The following HEATR6 variants were observed in gnomAD, a reference collection of about 807,000 sequenced individuals.
HEATR6 encodes the protein HEAT repeat containing 6.
Under a neutral mutation model 132.8 loss-of-function variants are expected in HEATR6, and 106 were observed. The ratio of observed to expected loss-of-function variants is 0.80; its 90% CI spans 0.68 to 0.94. HEATR6 has a LOEUF of 0.94. Ranked by LOEUF, HEATR6 falls within the 40% of genes least tolerant of loss-of-function variation. The probability of loss-of-function intolerance (pLI) is 0.00; values close to 1 mark genes in which losing one functional copy is unlikely to be tolerated. For synonymous variants in HEATR6, 529 were observed against 537.8 expected, an observed-to-expected ratio of 0.98 and a Z score of 0.23; for missense variants, 1,339 against 1,425.1, an observed-to-expected ratio of 0.94 and a Z score of 0.97.
chr17:60,073,331 T>C lies in HEATR6; in HGVS notation c.469-52A>G, dbSNP rs531036163. On this transcript the variant is annotated intron_variant, in intron 3 of 19. Transcript: ENST00000184956. Reference sequence around the variant, plus strand: ...TCAAAGAAAAGCTTCTAGGAAAATATTATGTTTTAGACAGATTTCTTCTTT... The same window carrying C: ...TCAAAGAAAAGCTTCTAGGAAAATACTATGTTTTAGACAGATTTCTTCTTT... 100 of 1,077,716 alleles carry C rather than the reference T, an allele frequency of 9.3e-5. No individual in the cohort carries two copies. In the East Asian group the frequency reaches 1.7e-3, roughly 18 times the overall value. 66.8% of individuals were successfully genotyped at this position (1,077,716 alleles called of 1,614,324 possible).
Position 60,042,390 on chromosome 17 carries a change from C to G in HEATR6, c.*1173G>C. ...GTGGCTGTGAGGCACTGTCAGCATCCTCGCGTCCTGTGCGGCTGTGAGGCA... is the reference window on the plus strand; with the variant it reads ...GTGGCTGTGAGGCACTGTCAGCATCGTCGCGTCCTGTGCGGCTGTGAGGCA... On this transcript the variant is annotated 3_prime_UTR_variant, in exon 20 of 20. Coordinates refer to ENST00000184956, the MANE Select transcript of HEATR6 (RefSeq NM_022070.5). 6.8e-6 allele frequency among the ~76,000 whole-genome samples: 1 copy of G among 147,108 alleles called. No homozygotes were observed. The highest frequency in any genetic ancestry group is 1.5e-5 in the Non-Finnish European group (1 of 67,552).
intron 16 of HEATR6, among the ~76,000 whole-genome samples, chr17:60,048,755 T>C (rs1054422656): frequency 6.6e-6 from 1 of 151,902 alleles, no homozygotes; most frequent in African/African-American, 2.4e-5. Flanking sequence ...ACACATCCTA[T>C]GTACTACACA....
intron 9 of HEATR6, among the ~76,000 whole-genome samples, chr17:60,065,087 T>C (rs1195389016): frequency 2.0e-5 from 3 of 152,240 alleles, no homozygotes; most frequent in Non-Finnish European, 2.9e-5. Context: ...GCTTCATTAC[T>C]GATTTATTTG....
At chr17:60,069,604 A>C in intron 7 of HEATR6, 107 bp downstream of exon 7, 1 of 1,059,874 alleles carries the variant, frequency 9.4e-7, no homozygotes, top group Non-Finnish European at 1.4e-6. Context: ...ACTGAAATAA[A>C]ATTCAAGGTA....
rs745466182 is a variant in HEATR6 at position 60,049,685 on chromosome 17, C to A, written c.2442G>T (p.Leu814=). 20 of 1,613,258 alleles carry A rather than the reference C, an allele frequency of 1.2e-5. No individual in the cohort carries two copies. The highest frequency in any genetic ancestry group is 1.5e-5 in the Non-Finnish European group (18 of 1,179,602). The change falls in exon 16 of 20, where the codon CTG becomes CTT. Residue 814 remains leucine, a synonymous_variant. Transcript: ENST00000184956. ...TCAGCCCGAGCAGCACTGTGATGCA[C>A]AGCATCTGCCTGTCATTCTGCAATG... ...FSNLPNDRQM[L]CITVLLGLND...
rs568967107 is a variant in HEATR6, at chr17:60,069,787, G to C, written c.863C>G (p.Thr288Ser). ...NIEMPTVLYPTPLPQYDGRTP... is the reference protein window; with the variant it reads ...NIEMPTVLYPSPLPQYDGRTP... ...TCGCCCATCATACTGAGGAAGCGGA[G>C]TTGGGTATAACACCGTGGGCATCTC... The change falls in exon 7 of 20, where the codon ACT becomes AGT. Residue 288 changes from threonine (T) to serine (S), a missense_variant. Coordinates refer to ENST00000184956, the MANE Select transcript of HEATR6 (RefSeq NM_022070.5). The C allele has an allele frequency of 1.9e-6, 3 of 1,614,042 alleles. No homozygotes were observed. Among genetic ancestry groups the C allele is most frequent in the Admixed American group, 1.7e-5 (1 of 60,012 alleles).
In HEATR6 at chr17:60,078,887, A is replaced by C; in HGVS notation, c.28T>G (p.Trp10Gly). Reference protein sequence around the residue: MAAVQVVGSWPSVQPREAPR... With the variant: MAAVQVVGSGPSVQPREAPR... ...GCCTCCCGCGGCTGCACGGAAGGCC[A>C]CGAACCGACAACTTGCACAGCAGCC... The change falls in exon 1 of 20, where the codon TGG (tryptophan) becomes GGG (glycine). Residue 10 changes from tryptophan to glycine, a missense_variant. Physicochemically the swap from Trp to Gly is radical, Grantham distance 184 (BLOSUM62 -2). Coordinates refer to ENST00000184956, the MANE Select transcript of HEATR6 (RefSeq NM_022070.5). 2 of 1,338,040 alleles carry C rather than the reference A, an allele frequency of 1.5e-6. No homozygotes were observed. The highest frequency in any genetic ancestry group is 2.0e-6 in the Non-Finnish European group (2 of 1,015,976). 82.9% of individuals were successfully genotyped at this position (1,338,040 alleles called of 1,614,324 possible).
At chr17:60,048,177 C>T (rs1328622913) in intron 17 of HEATR6, 87 bp downstream of exon 17, 8 of 1,411,390 alleles carry the variant, frequency 5.7e-6, no homozygotes, top group Non-Finnish European at 5.8e-6. Flanking sequence ...GGAACTACTG[C>T]TGATTCTTTC....
intron 2 of HEATR6, 200 bp from the exon 3 acceptor site, chr17:60,074,086 C>T: frequency 7.8e-7 from 1 of 1,276,374 alleles, no homozygotes; most frequent in African/African-American, 1.5e-5. Context: ...GTCTTGCTCA[C>T]TTCTTCCTCT....
chr17:60,044,716 T>A (rs553846198), intron 19 of HEATR6, among the ~76,000 whole-genome samples: 39 of 152,342 alleles, frequency 2.6e-4, no homozygotes, highest in African/African-American at 7.0e-4. Context: ...CCAGAGCTAC[T>A]GCTACCCACT....
chr17:60,057,650 A>G (rs1299852241), intron 11 of HEATR6, among the ~76,000 whole-genome samples: 2 of 152,236 alleles, frequency 1.3e-5, no homozygotes, highest in African/African-American at 4.8e-5. Context: ...TAGAGTTCAC[A>G]TTCTATAAGA....
chr17:60,073,030 T>G (rs577358553), intron 4 of HEATR6, 134 bp downstream of exon 4: 1 of 524,920 alleles, frequency 1.9e-6, no homozygotes, highest in African/African-American at 1.9e-5. Context: ...ATTTTATTAG[T>G]AAAGTACATG....
At chr17:60,054,928 C>G (rs920386166) in intron 14 of HEATR6, among the ~76,000 whole-genome samples, 12 of 152,140 alleles carry the variant, frequency 7.9e-5, no homozygotes, top group Non-Finnish European at 2.9e-5. Flanking sequence ...CCTCAAACCT[C>G]ATGCTGAAAT....
In HEATR6 at chr17:60,041,469, A is replaced by G. The variant is rs1217142937; in HGVS notation, c.*2094T>C. Among the ~76,000 whole-genome samples, 2 of 152,150 alleles carry G rather than the reference A, an allele frequency of 1.3e-5. No individual in the cohort carries two copies. The highest frequency in any genetic ancestry group is 2.9e-5 in the Non-Finnish European group (2 of 68,030). On this transcript the variant is annotated 3_prime_UTR_variant, in exon 20 of 20. Coordinates refer to ENST00000184956, the MANE Select transcript of HEATR6 (RefSeq NM_022070.5). ...TTTTTTTTCCTTTTTTGAAAATGCC[A>G]AGAAGCTACTACTAAGAATGTATTC...
At chr17:60,077,788 G>A (rs561752503) in intron 1 of HEATR6, among the ~76,000 whole-genome samples, 2 of 152,322 alleles carry the variant, frequency 1.3e-5, no homozygotes, top group African/African-American at 4.8e-5. Context: ...AGTCAGAGGG[G>A]ATCAGCGAAC....
Position 60,072,258 on chromosome 17 carries a change from T to C in HEATR6, c.656A>G (p.Gln219Arg). 1 of 1,609,978 alleles carries C rather than the reference T, an allele frequency of 6.2e-7. No homozygotes were observed. The highest frequency in any genetic ancestry group is 1.1e-5 in the South Asian group (1 of 90,600). Residue 219 changes from glutamine (Q) to arginine (R), a missense_variant, in exon 5 of 20, where the codon CAG (glutamine) becomes CGG (arginine). Gln to Arg is a conservative substitution (Grantham distance 43). Transcript: ENST00000184956. The part of the protein sequence containing the change: ...VCFQAFLTIL[Q>R]SPKSSDMDDI... ...ATCCATATCAGATGATTTTGGAGAC[T>C]GTAAAATAGTCAGAAAAGCTTGGAA... is the stretch of plus-strand genomic sequence containing the variant.
intron 9 of HEATR6, chr17:60,063,621 A>G (rs1169137069): frequency 6.4e-6 from 1 of 156,300 alleles, no homozygotes; most frequent in Non-Finnish European, 1.4e-5. Flanking sequence ...ATTTCCTAAA[A>G]GTAGCCTCTG....
chr17:60,044,065 T>C lies in HEATR6; in HGVS notation c.3044A>G (p.Lys1015Arg), dbSNP rs1199236789. 1.2e-6 allele frequency: 2 copies of C among 1,614,168 alleles called. No homozygotes were observed. Among genetic ancestry groups the C allele is most frequent in the African/African-American group, 1.3e-5 (1 of 75,058 alleles). ...GGCAGCTGCAGATCTGATGCGCACT[T>C]TGAAGTTCTTGCATGATGTCACGAC... ...TSVVTSCKNF[K>R]VRIRSAAALS... The change falls in exon 20 of 20, where the codon AAA becomes AGA. Residue 1015 changes from lysine (K) to arginine (R), a missense_variant. Transcript: ENST00000184956.
chr17:60,066,255 T>C lies in HEATR6; in HGVS notation c.1370A>G (p.Gln457Arg), dbSNP rs2083239761. 2 of 1,614,136 alleles carry C rather than the reference T, an allele frequency of 1.2e-6. No individual in the cohort carries two copies. The highest frequency in any genetic ancestry group is 1.7e-6 in the Non-Finnish European group (2 of 1,179,996). ...IPDTPELGSPQSVSLMTLTLK... is the reference protein window; with the variant it reads ...IPDTPELGSPRSVSLMTLTLK... ...TGTAAGAGTCATCAAGGACACTGAC[T>C]GTGGGCTGCCAAGTTCAGGCGTATC... Residue 457 changes from glutamine to arginine, a missense_variant, in exon 9 of 20, where the codon CAG (glutamine) becomes CGG (arginine). Physicochemically the swap from Gln to Arg is conservative, Grantham distance 43 (BLOSUM62 1). Coordinates refer to ENST00000184956, the MANE Select transcript of HEATR6 (RefSeq NM_022070.5).
Sources: gnomAD v4.1 joint callset for allele counts (sites outside exome capture counted in the v4.1 genomes callset) on GRCh38, gnomAD v4.1.1 for gene constraint, MANE v1.5 for transcripts, NCBI Gene and HGNC (gene_info 2026-07-23, HGNC 2026-07-21) for gene names.